ELP4: variants seen among roughly 807,000 people sequenced by gnomAD.
ELP4 encodes the protein elongator complex protein 4.
Under a neutral mutation model 48.9 loss-of-function variants are expected in ELP4, and 51 were observed. That is an observed-to-expected ratio of 1.04 (90% CI 0.83 to 1.32). The LOEUF (loss-of-function observed/expected upper bound fraction) is 1.32, where lower values mean the gene tolerates loss of function less well. Ranked by LOEUF, ELP4 falls within the 40% of genes most tolerant of loss-of-function variation. The pLI is 0.00. For missense variants in ELP4, 519 were observed against 514.6 expected (o/e 1.01, Z -0.08); for synonymous variants, 210 against 189.2 (o/e 1.11, Z -0.90).
At chr11:31,612,508 G>C (rs1249183729) in intron 5 of ELP4, among the ~76,000 whole-genome samples, 1 of 152,120 alleles carries the variant, frequency 6.6e-6, no homozygotes, top group Non-Finnish European at 1.5e-5. Context: ...GAGTGAGTAG[G>C]ACAAAGAACA....
At chr11:31,539,838 G>A (rs1019492632) in intron 3 of ELP4, 55 bp downstream of exon 3, 1 of 1,447,634 alleles carries the variant, frequency 6.9e-7, no homozygotes, top group South Asian at 1.5e-5. Flanking sequence ...AAAAAATATT[G>A]TTTATATATG....
intron 9 of ELP4, among the ~76,000 whole-genome samples, chr11:31,746,535 A>G (rs937544977): frequency 1.3e-4 from 20 of 152,228 alleles, no homozygotes; most frequent in Non-Finnish European, 2.5e-4. Context: ...TGGCACATAT[A>G]CATCATGGAA....
chr11:31,781,073 C>T (rs1161300877), intron 9 of ELP4, among the ~76,000 whole-genome samples: 1 of 152,158 alleles, frequency 6.6e-6, no homozygotes, highest in Non-Finnish European at 1.5e-5. Flanking sequence ...TATGTGCTTG[C>T]CTTATTCATA....
intron 5 of ELP4, among the ~76,000 whole-genome samples, chr11:31,621,143 C>G (rs1592165316): frequency 6.6e-6 from 1 of 151,890 alleles, no homozygotes; most frequent in Non-Finnish European, 1.5e-5. Context: ...GATATTTTGC[C>G]TACTGCCTTA....
intron 9 of ELP4, among the ~76,000 whole-genome samples, chr11:31,770,222 G>T (rs531373718): frequency 6.6e-6 from 1 of 152,276 alleles, no homozygotes; most frequent in East Asian, 1.9e-4. Context: ...GCAGCAGTTG[G>T]AGACCAGCAA....
intron 9 of ELP4, among the ~76,000 whole-genome samples, chr11:31,754,542 A>G (rs983402001): frequency 2.0e-5 from 3 of 151,954 alleles, no homozygotes; most frequent in African/African-American, 7.3e-5. Flanking sequence ...TGACCTTCTC[A>G]GAAAGGCTTT....
chr11:31,538,843 TA>T (rs1956548224), intron 2 of ELP4, among the ~76,000 whole-genome samples: 2 of 152,174 alleles, frequency 1.3e-5, no homozygotes, highest in South Asian at 4.1e-4. Flanking sequence ...AAAATGAGTT[TA>T]GAAGTGTTTC....
At chr11:31,630,336 AT>A (rs538254633) in intron 6 of ELP4, among the ~76,000 whole-genome samples, 190 of 117,770 alleles carry the variant, frequency 1.6e-3, no homozygotes, top group Non-Finnish European at 1.7e-3. Flanking sequence ...TCTCCTTTTC[AT>A]TTTTTTTTTT....
In ELP4 at chr11:31,693,499, T is replaced by A. The variant is rs1018280251; in HGVS notation, c.1143+43278T>A. 2.9e-4 allele frequency among the ~76,000 whole-genome samples: 44 copies of A among 152,186 alleles called. 1 individual carries two copies. The highest frequency in any genetic ancestry group is 2.1e-4 in the South Asian group (1 of 4,830). On this transcript the variant is annotated intron_variant, in intron 9 of 9. Coordinates refer to ENST00000640961, the MANE Select transcript of ELP4 (RefSeq NM_019040.5). Reference sequence around the variant, plus strand: ...ACAAAGGACATGAACTCATCCTTTTTTATGGCTGCATAGTATTCCATTGTG... The same window carrying A: ...ACAAAGGACATGAACTCATCCTTTTATATGGCTGCATAGTATTCCATTGTG...
intron 1 of ELP4, chr11:31,510,447 A>T: frequency 2.4e-6 from 1 of 410,382 alleles, no homozygotes; most frequent in Admixed American, 4.0e-5. Context: ...TGCTGGAAAA[A>T]AATGATTTCC....
At chr11:31,781,137 C>G (rs759098434) in intron 9 of ELP4, among the ~76,000 whole-genome samples, 9 of 152,188 alleles carry the variant, frequency 5.9e-5, no homozygotes, top group Non-Finnish European at 8.8e-5. Context: ...CATAAGCTTT[C>G]AGAATCCCTT....
rs1363038275 is a variant in ELP4, at chr11:31,690,428, A to T, written c.1143+40207A>T. On this transcript the variant is annotated intron_variant, in intron 9 of 9. Transcript: ENST00000640961. ...AAATACCCCTTCTTTTTCCTAAAAA[A>T]AAATATATATATTTTATATCTGCAA... is the stretch of plus-strand genomic sequence containing the variant. Among the ~76,000 whole-genome samples, 4 of 152,022 alleles carry T rather than the reference A, an allele frequency of 2.6e-5. No individual in the cohort carries two copies. In the East Asian group the frequency reaches 5.8e-4, roughly 22 times the overall value.
chr11:31,662,607 A>ACTTTAATTTCT (rs1945586851), intron 9 of ELP4: 2 of 397,848 alleles, frequency 5.0e-6, no homozygotes, highest in Non-Finnish European at 8.9e-6. Flanking sequence ...ATTTTCTATA[A>ACTTTAATTTCT]AGAAGAACCC....
intron 9 of ELP4, among the ~76,000 whole-genome samples, chr11:31,716,049 T>C (rs1317379293): frequency 1.3e-5 from 2 of 152,152 alleles, no homozygotes; most frequent in Non-Finnish European, 2.9e-5. Flanking sequence ...GGCCTCGCTG[T>C]GTCACCCAGG....
At chr11:31,621,292 A>C (rs1446750693) in intron 5 of ELP4, among the ~76,000 whole-genome samples, 1 of 151,934 alleles carries the variant, frequency 6.6e-6, no homozygotes, top group Admixed American at 6.6e-5. Context: ...AATTAATCCT[A>C]ATTGGGAGTG....
At position 31,632,376 on chromosome 11, in the gene ELP4, A is replaced by C. The variant is rs34804357; in HGVS notation, c.898A>C (p.Ile300Leu). 3.9e-4 allele frequency: 630 copies of C among 1,612,096 alleles called. 1 individual carries two copies. In the African/African-American group the frequency reaches 5.8e-3, roughly 15 times the overall value. ...GLLRTSLSAC[I>L]ITMPTHLIQN... is the part of the protein sequence containing the mutation. Reference sequence around the variant, plus strand: ...TCTGAGAACCTCTCTTTCAGCCTGCATCATCACAATGCCAACACATCTGAT... The same window carrying C: ...TCTGAGAACCTCTCTTTCAGCCTGCCTCATCACAATGCCAACACATCTGAT... The change falls in exon 7 of 10, where the codon ATC becomes CTC. Residue 300 changes from isoleucine (I) to leucine (L), a missense_variant. Coordinates refer to ENST00000640961, the MANE Select transcript of ELP4 (RefSeq NM_019040.5).
chr11:31,576,519 T>A (rs890435984), intron 3 of ELP4, among the ~76,000 whole-genome samples: 2 of 152,072 alleles, frequency 1.3e-5, no homozygotes, highest in South Asian at 4.1e-4. Context: ...CACTTATTCC[T>A]AAATTGACCA....
intron 9 of ELP4, among the ~76,000 whole-genome samples, chr11:31,694,795 T>C (rs1317771547): frequency 6.6e-6 from 1 of 152,242 alleles, no homozygotes; most frequent in African/African-American, 2.4e-5. Flanking sequence ...TCCATGAGCA[T>C]GGAATATTCT....
chr11:31,520,194 G>T, intron 2 of ELP4, 103 bp downstream of exon 2: 1 of 954,176 alleles, frequency 1.0e-6, no homozygotes, highest in Non-Finnish European at 1.6e-6. Context: ...TCACTAACAC[G>T]ACAGAAGTTA....
Sources: allele counts gnomAD v4.1 joint callset (sites outside exome capture counted in the v4.1 genomes callset), GRCh38; gene constraint gnomAD v4.1.1; transcripts MANE v1.5; gene names NCBI Gene and HGNC (gene_info 2026-07-23, HGNC 2026-07-21).